CHD5: variants seen among roughly 807,000 people sequenced by gnomAD.
The protein encoded by CHD5 is chromodomain helicase DNA binding protein 5.
In CHD5, 69 loss-of-function variants were observed where a neutral mutation model predicts 230.3. That is an observed-to-expected ratio of 0.30 (90% CI 0.25 to 0.37). The LOEUF (loss-of-function observed/expected upper bound fraction) is 0.37. Ranked by LOEUF, CHD5 falls within the 10% of genes least tolerant of loss-of-function variation. CHD5 has a pLI of 1.00. For missense variants in CHD5, 1,827 were observed against 2,622.8 expected (o/e 0.70, Z 6.63); for synonymous variants, 1,064 against 1,065.9 (o/e 1.00, Z 0.03).
intron 20 of CHD5, among the ~76,000 whole-genome samples, chr1:6,132,571 T>C (rs905345209): frequency 3.3e-5 from 5 of 152,240 alleles, no homozygotes; most frequent in African/African-American, 7.2e-5. Context: ...AATTGGATGA[T>C]TGTTGGAGCA....
At chr1:6,174,083 C>T (rs1181608249) in intron 1 of CHD5, among the ~76,000 whole-genome samples, 2 of 150,982 alleles carry the variant, frequency 1.3e-5, no homozygotes, top group African/African-American at 4.9e-5. Flanking sequence ...AGGCCCAGGG[C>T]ATGGGTGGGG....
chr1:6,123,489 T>C (rs937468203), intron 31 of CHD5, among the ~76,000 whole-genome samples: 1 of 151,960 alleles, frequency 6.6e-6, no homozygotes, highest in African/African-American at 2.4e-5. Flanking sequence ...TGCAGTGGTG[T>C]GATCTTGGCT....
Position 6,124,582 on chromosome 1 carries a change from G to A in CHD5, c.4474C>T (p.Arg1492Trp), listed in dbSNP as rs761795865. The change falls in exon 30 of 42, where the codon CGG becomes TGG. Residue 1492 changes from arginine (R) to tryptophan (W), a missense_variant. By Grantham distance (101) the Arg-to-Trp change is moderately radical (BLOSUM62 -3). Transcript: ENST00000262450. The part of the protein sequence containing the change: ...GAETFADGVP[R>W]EGLSRQHVLT... ...ACGTGCTGCCTGGAGAGGCCCTCCC[G>A]GGGCACGCCGTCTGCGAAGGTCTCT... is the stretch of plus-strand genomic sequence containing the variant. 6.8e-6 allele frequency: 11 copies of A among 1,613,178 alleles called. No homozygotes were observed. Among genetic ancestry groups the A allele is most frequent in the South Asian group, 1.1e-5 (1 of 90,934 alleles).
intron 1 of CHD5, among the ~76,000 whole-genome samples, chr1:6,168,523 C>T (rs1667288882): frequency 6.6e-6 from 1 of 152,272 alleles, no homozygotes; most frequent in African/African-American, 2.4e-5. Context: ...GGGACAATAA[C>T]CACCTGCCCC....
At chr1:6,158,782 C>T (rs1013506852) in intron 3 of CHD5, among the ~76,000 whole-genome samples, 1 of 151,884 alleles carries the variant, frequency 6.6e-6, no homozygotes, top group Non-Finnish European at 1.5e-5. Flanking sequence ...CCGAGGCGGG[C>T]GGATCACGAG....
At chr1:6,113,539 G>A (rs1666328143) in intron 33 of CHD5, 1 of 258,242 alleles carries the variant, frequency 3.9e-6, no homozygotes, top group South Asian at 4.4e-5. Flanking sequence ...AGGGGCCCCA[G>A]GTTGGGGTGA....
chr1:6,143,489 AGTGT>A (rs57541864), intron 13 of CHD5, among the ~76,000 whole-genome samples: 2,632 of 152,182 alleles, frequency 0.017, 77 homozygotes, highest in African/African-American at 0.06. Context: ...CCTAGAAGAC[AGTGT>A]GTCTTCTGAA....
intron 7 of CHD5, 100 bp downstream of exon 7, chr1:6,150,932 A>C: frequency 7.5e-7 from 1 of 1,339,978 alleles, no homozygotes; most frequent in Non-Finnish European, 9.7e-7. Context: ...TGCCCCGCAC[A>C]TCCACCCGGC....
At chr1:6,169,973 G>A (rs1667311271) in intron 1 of CHD5, among the ~76,000 whole-genome samples, 1 of 152,134 alleles carries the variant, frequency 6.6e-6, no homozygotes, top group African/African-American at 2.4e-5. Flanking sequence ...CCTCCAGTGG[G>A]ACCCCGCGGA....
At chr1:6,151,292 A>G (rs1474420178) in intron 6 of CHD5, 137 bp from the exon 7 acceptor site, 1 of 1,026,790 alleles carries the variant, frequency 9.7e-7, no homozygotes, top group African/African-American at 1.7e-5. Flanking sequence ...TCAGCCCCCA[A>G]CACAGCTGAA....
intron 33 of CHD5, among the ~76,000 whole-genome samples, chr1:6,116,552 GA>G (rs1400522032): frequency 2.6e-5 from 4 of 152,200 alleles, no homozygotes; most frequent in Admixed American, 2.6e-4. Context: ...TTCAATGTGA[GA>G]AAAGATAGAA....
chr1:6,125,713 G>T lies in CHD5; in HGVS notation c.4171+53C>A. ...ACCAGCCCCGCTCCTGCTGCCATCAGCTCCCCTGACATGGCCTCAGCAGTA... is the reference window on the plus strand; with the variant it reads ...ACCAGCCCCGCTCCTGCTGCCATCATCTCCCCTGACATGGCCTCAGCAGTA... On this transcript the variant is annotated intron_variant, in intron 27 of 41. Transcript: ENST00000262450. This position sits in a 1 kb window ranked among gnomAD's most constrained non-coding sequence, Gnocchi z 6.7. 1 of 1,586,468 alleles carries T rather than the reference G, an allele frequency of 6.3e-7. No homozygotes were observed. The highest frequency in any genetic ancestry group is 1.3e-5 in the African/African-American group (1 of 74,456).
chr1:6,123,975 G>C lies in CHD5; in HGVS notation c.4672C>G (p.Leu1558Val), dbSNP rs749653354. 3 of 1,598,030 alleles carry C rather than the reference G, an allele frequency of 1.9e-6. No homozygotes were observed. The highest frequency in any genetic ancestry group is 2.7e-5 in the African/African-American group (2 of 74,270). The part of the protein sequence containing the change: ...NTPVPASPAH[L>V]LPAPLGLPDK... The stretch of plus-strand genomic sequence containing the variant: ...GGCAGGCCCAGCGGGGCTGGCAGGA[G>C]GTGGGCAGGGCTGGCGGGCACTGGT... Residue 1558 changes from leucine to valine, a missense_variant, in exon 31 of 42, where the codon CTC (leucine) becomes GTC (valine). Around this residue, in one of 14 missense-constraint regions of CHD5, gnomAD observed 272 missense variants for 263.2 expected, o/e 1.03. Transcript: ENST00000262450.
intron 2 of CHD5, among the ~76,000 whole-genome samples, chr1:6,161,890 C>T (rs1448968635): frequency 6.6e-6 from 1 of 152,192 alleles, no homozygotes. Context: ...GAGAGCAAAC[C>T]CCACAAACCT....
At chr1:6,140,628 T>C (rs2100855675) in intron 15 of CHD5, among the ~76,000 whole-genome samples, 1 of 152,310 alleles carries the variant, frequency 6.6e-6, no homozygotes, top group Middle Eastern at 3.4e-3. Flanking sequence ...GTCACACAGC[T>C]GGTGCACTGC....
chr1:6,106,990 G>GGATGGAGGGAT (rs577326680), intron 38 of CHD5, among the ~76,000 whole-genome samples: 1 of 140,032 alleles, frequency 7.1e-6, no homozygotes, highest in Non-Finnish European at 1.6e-5. Context: ...AGGGGTGGAA[G>GGATGGAGGGAT]GATGGAGGGA....
intron 6 of CHD5, 131 bp from the exon 7 acceptor site, chr1:6,151,286 C>T: frequency 9.4e-7 from 1 of 1,059,390 alleles, no homozygotes; most frequent in Non-Finnish European, 1.3e-6. Context: ...TTCATCTCAG[C>T]CCCCAACACA....
chr1:6,174,288 A>G lies in CHD5; in HGVS notation c.79+5657T>C, dbSNP rs113727791. On this transcript the variant is annotated intron_variant, in intron 1 of 41. Coordinates refer to ENST00000262450, the MANE Select transcript of CHD5 (RefSeq NM_015557.3). ...AAATAAGGACAGAGCCACAGAGATAAGCAAAAGCCCAGAAAGTTAGACAAC... is the reference window on the plus strand; with the variant it reads ...AAATAAGGACAGAGCCACAGAGATAGGCAAAAGCCCAGAAAGTTAGACAAC... Among the ~76,000 whole-genome samples, 112 of 152,312 alleles carry G rather than the reference A, an allele frequency of 7.4e-4. 1 individual carries two copies. Among genetic ancestry groups the G allele is most frequent in the African/African-American group, 2.5e-3 (102 of 41,568 alleles).
intron 25 of CHD5, among the ~76,000 whole-genome samples, 195 bp downstream of exon 25, chr1:6,127,851 G>A (rs1557544383): frequency 6.6e-6 from 1 of 152,208 alleles, no homozygotes; most frequent in South Asian, 2.1e-4. Context: ...GGAGCACGTG[G>A]TTGGAGGGCG....
Sources: allele counts gnomAD v4.1 joint callset (sites outside exome capture counted in the v4.1 genomes callset), GRCh38; gene constraint gnomAD v4.1.1; regional missense constraint gnomAD v4.1.1; non-coding constraint Gnocchi (gnomAD v3.1); transcripts MANE v1.5; gene names NCBI Gene and HGNC (gene_info 2026-07-23, HGNC 2026-07-21).